VEPH1: variants seen among roughly 807,000 people sequenced by gnomAD.
The protein encoded by VEPH1 is ventricular zone-expressed PH domain-containing protein homolog 1.
Under a neutral mutation model 85.2 loss-of-function variants are expected in VEPH1, and 80 were observed. The observed-to-expected ratio is 0.94, with a 90% CI of 0.78 to 1.13. The LOEUF (loss-of-function observed/expected upper bound fraction) is 1.13, where lower values mean the gene tolerates loss of function less well. Among genes scored for constraint, VEPH1 ranks in the 50% most tolerant of loss-of-function variants. The pLI is 0.00. For synonymous variants in VEPH1, 297 were observed against 348.0 expected, an observed-to-expected ratio of 0.85 and a Z score of 1.63; for missense variants, 955 against 980.5, an observed-to-expected ratio of 0.97 and a Z score of 0.35.
chr3:157,460,066 A>G (rs760031733), intron 4 of VEPH1, 115 bp downstream of exon 4: 3 of 1,604,646 alleles, frequency 1.9e-6, no homozygotes, highest in South Asian at 2.2e-5. Context: ...AAAACAGAGA[A>G]ATTAATTTGC....
chr3:157,369,627 G>A lies in VEPH1; in HGVS notation c.1128-5115C>T, dbSNP rs533729644. Among the ~76,000 whole-genome samples, 121 of 152,314 alleles carry A rather than the reference G, an allele frequency of 7.9e-4. 2 individuals are homozygous for A. Among genetic ancestry groups the A allele is most frequent in the Middle Eastern group, 6.8e-3 (2 of 294 alleles). On this transcript the variant is annotated intron_variant, in intron 7 of 13. Coordinates refer to ENST00000362010, the MANE Select transcript of VEPH1 (RefSeq NM_001167912.2). The stretch of plus-strand genomic sequence containing the variant: ...CATGCCACAGAACTTTGCTGGCAGG[G>A]AGGTAGGACAAATTTCAATTCCAAT...
chr3:157,287,934 A>C (rs750624993), intron 11 of VEPH1, among the ~76,000 whole-genome samples: 2 of 152,120 alleles, frequency 1.3e-5, no homozygotes, highest in Non-Finnish European at 2.9e-5. Context: ...TTTTCCTCCA[A>C]GTGGTTGAGT....
At chr3:157,304,438 A>C (rs1323396584) in intron 11 of VEPH1, among the ~76,000 whole-genome samples, 3 of 152,202 alleles carry the variant, frequency 2.0e-5, no homozygotes, top group Non-Finnish European at 4.4e-5. Context: ...GTGTTAATAA[A>C]GGCCTTTTCT....
At chr3:157,489,291 C>G (rs978268310) in intron 2 of VEPH1, 3 of 429,644 alleles carry the variant, frequency 7.0e-6, no homozygotes, top group African/African-American at 6.1e-5. Context: ...CACATTGTTC[C>G]CTTCACTACA....
chr3:157,401,055 AC>A (rs1730754775), intron 6 of VEPH1, among the ~76,000 whole-genome samples: 1 of 152,160 alleles, frequency 6.6e-6, no homozygotes, highest in Non-Finnish European at 1.5e-5. Flanking sequence ...TTTTTGAAAG[AC>A]CACTGGGGAC....
At chr3:157,476,988 T>C in intron 2 of VEPH1, among the ~76,000 whole-genome samples, 1 of 152,200 alleles carries the variant, frequency 6.6e-6, no homozygotes, top group Non-Finnish European at 1.5e-5. Context: ...TAGCTGAAGA[T>C]GAAGGAAATC....
chr3:157,280,461 G>A (rs1715959771), intron 12 of VEPH1, among the ~76,000 whole-genome samples: 1 of 152,166 alleles, frequency 6.6e-6, no homozygotes, highest in Admixed American at 6.5e-5. Flanking sequence ...ATATGGAAAG[G>A]CAGAGGAGTA....
rs1726366474 is a variant in VEPH1 at position 157,364,160 on chromosome 3, G to T, written c.1337+143C>A. 1.7e-5 allele frequency: 11 copies of T among 647,420 alleles called. No individual in the cohort carries two copies. In the South Asian group the frequency reaches 2.3e-4, roughly 13 times the overall value. 40.1% of individuals were successfully genotyped at this position (647,420 alleles called of 1,614,324 possible). ...TTCTTTGGATAATGAGAGCATTGTG[G>T]ATGATATTTCATTCATGTAAGGATG... On this transcript the variant is annotated intron_variant, in intron 8 of 13. Coordinates refer to ENST00000362010, the MANE Select transcript of VEPH1 (RefSeq NM_001167912.2).
intron 5 of VEPH1, among the ~76,000 whole-genome samples, chr3:157,427,999 T>C (rs765505842): frequency 7.9e-5 from 12 of 152,240 alleles, no homozygotes; most frequent in Non-Finnish European, 7.3e-5. Flanking sequence ...TTTTGTGAGC[T>C]GGAACATTGG....
At chr3:157,347,397 T>C (rs867342598) in intron 9 of VEPH1, among the ~76,000 whole-genome samples, 1 of 152,140 alleles carries the variant, frequency 6.6e-6, no homozygotes, top group Non-Finnish European at 1.5e-5. Flanking sequence ...TTCAGAGAGA[T>C]GTAGAGAGAA....
chr3:157,402,765 A>G (rs1730872328), intron 6 of VEPH1, among the ~76,000 whole-genome samples: 1 of 152,218 alleles, frequency 6.6e-6, no homozygotes, highest in Admixed American at 6.5e-5. Flanking sequence ...CATTTACTTT[A>G]TTACTTAGCA....
intron 12 of VEPH1, chr3:157,286,303 C>A (rs916332427): frequency 7.0e-6 from 3 of 425,610 alleles, no homozygotes; most frequent in South Asian, 5.1e-5. Context: ...ACTTTTAGGG[C>A]AAAATGGCTG....
intron 7 of VEPH1, among the ~76,000 whole-genome samples, chr3:157,367,803 G>C (rs1377958309): frequency 6.6e-6 from 1 of 152,078 alleles, no homozygotes; most frequent in Non-Finnish European, 1.5e-5. Context: ...GTGCCGCTGT[G>C]CCTGACTATA....
At chr3:157,380,542 C>G (rs1728646024) in intron 7 of VEPH1, among the ~76,000 whole-genome samples, 1 of 152,182 alleles carries the variant, frequency 6.6e-6, no homozygotes, top group Non-Finnish European at 1.5e-5. Context: ...CAAAAGACAG[C>G]CTGGTGAAAT....
At chr3:157,495,793 C>T (rs948404299) in intron 1 of VEPH1, among the ~76,000 whole-genome samples, 1 of 152,136 alleles carries the variant, frequency 6.6e-6, no homozygotes, top group Non-Finnish European at 1.5e-5. Context: ...CTCCATGTCA[C>T]AAGGAAAAAC....
At chr3:157,333,359 A>G (rs1722675736) in intron 9 of VEPH1, among the ~76,000 whole-genome samples, 1 of 152,116 alleles carries the variant, frequency 6.6e-6, no homozygotes, top group Non-Finnish European at 1.5e-5. Flanking sequence ...ACTTTTTCCT[A>G]CCAGGTACTC....
intron 2 of VEPH1, among the ~76,000 whole-genome samples, chr3:157,471,117 A>C (rs1438443715): frequency 1.3e-5 from 2 of 152,362 alleles, no homozygotes; most frequent in Non-Finnish European, 2.9e-5. Flanking sequence ...TCTAAATGTG[A>C]AAAACAGACC....
chr3:157,364,293 C>CAA lies in VEPH1; in HGVS notation c.1337+9_1337+10insTT, dbSNP rs3833585. On this transcript the variant is annotated intron_variant, in intron 8 of 13. Transcript: ENST00000362010. ...TGTATGATTTAAAAAACAAACCAAA[C>CAA]GAGTTATACCTGTTAAATCTAATGT... 1,051,064 of 1,586,318 alleles carry CAA rather than the reference C, an allele frequency of 0.66. 353,586 individuals carry two copies. The highest frequency in any genetic ancestry group is 0.87 in the African/African-American group (64,527 of 73,894).
At chr3:157,365,953 T>C (rs551415842) in intron 7 of VEPH1, among the ~76,000 whole-genome samples, 2 of 152,220 alleles carry the variant, frequency 1.3e-5, no homozygotes, top group East Asian at 3.9e-4. Context: ...CCCTCTCCCC[T>C]CCCCAGAGAC....
Sources: allele counts gnomAD v4.1 joint callset (sites outside exome capture counted in the v4.1 genomes callset), GRCh38; gene constraint gnomAD v4.1.1; transcripts MANE v1.5; gene names NCBI Gene and HGNC (gene_info 2026-07-23, HGNC 2026-07-21).